Variants in ST18 observed in about 807,000 individuals in gnomAD.
ST18 encodes the protein ST18 C2H2C-type zinc finger transcription factor.
ST18 carries 50 observed loss-of-function variants against 110.0 expected under a neutral mutation model. The ratio of observed to expected loss-of-function variants is 0.45; its 90% CI spans 0.36 to 0.58. The LOEUF is 0.58. Ranked by LOEUF, ST18 falls within the 20% of genes least tolerant of loss-of-function variation. The pLI is 0.00. For missense variants in ST18, 1,306 were observed against 1,280.1 expected (o/e 1.02, Z -0.31); for synonymous variants, 461 against 452.4 (o/e 1.02, Z -0.24).
intron 2 of ST18, among the ~76,000 whole-genome samples, chr8:52,316,360 G>T (rs1186112740): frequency 6.6e-6 from 1 of 152,152 alleles, no homozygotes; most frequent in African/African-American, 2.4e-5. Flanking sequence ...TGTGCTGGTA[G>T]GGGCTCCCCC....
chr8:52,202,981 C>T (rs1054490715), intron 8 of ST18, among the ~76,000 whole-genome samples: 15 of 152,062 alleles, frequency 9.9e-5, no homozygotes, highest in African/African-American at 3.6e-4. Flanking sequence ...AAGATGAACT[C>T]ACAAGATATA....
chr8:52,182,626 G>T (rs577754748), intron 8 of ST18, among the ~76,000 whole-genome samples: 7 of 152,080 alleles, frequency 4.6e-5, no homozygotes, highest in Non-Finnish European at 8.8e-5. Flanking sequence ...GGTGGTTGCC[G>T]GGGGATGAGG....
At chr8:52,164,882 A>C (rs2133362275) in intron 12 of ST18, among the ~76,000 whole-genome samples, 1 of 152,364 alleles carries the variant, frequency 6.6e-6, no homozygotes, top group East Asian at 1.9e-4. Context: ...AGGTAACCAC[A>C]GCAACTTCAA....
At chr8:52,162,771 A>C (rs1411625047) in intron 13 of ST18, among the ~76,000 whole-genome samples, 1 of 152,192 alleles carries the variant, frequency 6.6e-6, no homozygotes, top group Non-Finnish European at 1.5e-5. Flanking sequence ...ATGGTAAGAG[A>C]ACATAAACAA....
intron 23 of ST18, among the ~76,000 whole-genome samples, chr8:52,123,255 C>CTAA (rs2045701896): frequency 6.6e-6 from 1 of 152,160 alleles, no homozygotes; most frequent in African/African-American, 2.4e-5. Context: ...TCTAATTCAG[C>CTAA]TAATTACATG....
chr8:52,347,909 T>C (rs1590125955), intron 2 of ST18, among the ~76,000 whole-genome samples: 3 of 152,208 alleles, frequency 2.0e-5, no homozygotes, highest in African/African-American at 7.2e-5. Context: ...CTAATCCAAT[T>C]TCTTTAGATG....
At chr8:52,119,513 C>A (rs1410729807) in intron 23 of ST18, among the ~76,000 whole-genome samples, 8 of 152,122 alleles carry the variant, frequency 5.3e-5, no homozygotes, top group African/African-American at 1.9e-4. Context: ...GGCTCTTATA[C>A]TTTCCTAGGG....
intron 2 of ST18, among the ~76,000 whole-genome samples, chr8:52,343,527 C>G (rs1030302281): frequency 2.0e-5 from 3 of 152,270 alleles, no homozygotes; most frequent in East Asian, 1.9e-4. Context: ...ATTAGTCCTC[C>G]GAGCAAAGTC....
intron 2 of ST18, among the ~76,000 whole-genome samples, chr8:52,312,238 C>T (rs572912964): frequency 1.2e-3 from 176 of 152,162 alleles, no homozygotes; most frequent in Non-Finnish European, 6.6e-4. Flanking sequence ...TGATCTACTT[C>T]TCAAGGTCAG....
chr8:52,281,959 C>T (rs898782029), intron 2 of ST18, among the ~76,000 whole-genome samples: 3 of 152,074 alleles, frequency 2.0e-5, no homozygotes, highest in African/African-American at 7.2e-5. Flanking sequence ...GCTTAGATGG[C>T]GGGTGCACCA....
intron 10 of ST18, among the ~76,000 whole-genome samples, chr8:52,171,285 A>G (rs960804427): frequency 1.3e-5 from 2 of 152,162 alleles, no homozygotes; most frequent in Non-Finnish European, 2.9e-5. Context: ...CTCTCATTCA[A>G]ATTTGTCCCA....
chr8:52,293,948 T>A (rs963491139), intron 2 of ST18, among the ~76,000 whole-genome samples: 1 of 152,212 alleles, frequency 6.6e-6, no homozygotes, highest in Admixed American at 6.5e-5. Flanking sequence ...CAGATTCAAG[T>A]GATTTTCACA....
intron 23 of ST18, among the ~76,000 whole-genome samples, chr8:52,119,898 T>C (rs1343805539): frequency 6.6e-6 from 1 of 152,142 alleles, no homozygotes; most frequent in Non-Finnish European, 1.5e-5. Flanking sequence ...TTGATATAAC[T>C]CTGGGCTCTA....
chr8:52,327,106 G>T (rs1806828168), intron 2 of ST18, among the ~76,000 whole-genome samples: 1 of 152,324 alleles, frequency 6.6e-6, no homozygotes, highest in African/African-American at 2.4e-5. Flanking sequence ...ACCAATAAAG[G>T]ATGTAAAAGC....
intron 8 of ST18, among the ~76,000 whole-genome samples, chr8:52,208,685 G>A (rs891228282): frequency 5.9e-5 from 9 of 152,198 alleles, no homozygotes; most frequent in Non-Finnish European, 1.3e-4. Context: ...AATTAGCCGG[G>A]CGTGGTGGTG....
intron 9 of ST18, among the ~76,000 whole-genome samples, chr8:52,174,652 T>C (rs1036517634): frequency 3.3e-5 from 5 of 152,238 alleles, no homozygotes; most frequent in African/African-American, 9.6e-5. Context: ...TGCCAACTGC[T>C]CGCATTTTGG....
At chr8:52,323,977 T>A (rs1301199571) in intron 2 of ST18, among the ~76,000 whole-genome samples, 1 of 152,236 alleles carries the variant, frequency 6.6e-6, no homozygotes, top group East Asian at 1.9e-4. Context: ...CCCTTACCAC[T>A]GGGGCACATG....
intron 2 of ST18, chr8:52,403,226 T>C (rs1038919888): frequency 1.3e-5 from 2 of 152,302 alleles, no homozygotes; most frequent in African/African-American, 4.8e-5. Flanking sequence ...GGTGCAATGG[T>C]GGCCAGGCCT....
At chr8:52,351,605 A>G (rs1261052644) in intron 2 of ST18, among the ~76,000 whole-genome samples, 4 of 152,242 alleles carry the variant, frequency 2.6e-5, no homozygotes, top group African/African-American at 9.6e-5. Flanking sequence ...TTCTGGAAGC[A>G]AACACATGAA....
Sources: allele counts gnomAD v4.1 joint callset (sites outside exome capture counted in the v4.1 genomes callset), GRCh38; gene constraint gnomAD v4.1.1; transcripts MANE v1.5; gene names NCBI Gene and HGNC (gene_info 2026-07-23, HGNC 2026-07-21).